The following WDTC1 variants were observed in gnomAD, a reference collection of about 807,000 sequenced individuals.
WDTC1 encodes the protein WD and tetratricopeptide repeats 1, also known as WD and tetratricopeptide repeats protein 1.
Under a neutral mutation model 76.0 loss-of-function variants are expected in WDTC1, and 12 were observed. That is an observed-to-expected ratio of 0.16 (90% CI 0.10 to 0.26). WDTC1 has a LOEUF of 0.26. Ranked by LOEUF, WDTC1 falls within the 10% of genes least tolerant of loss-of-function variation. WDTC1 has a pLI of 1.00. For missense variants in WDTC1, 511 were observed against 908.8 expected (o/e 0.56, Z 5.63); for synonymous variants, 326 against 350.8 (o/e 0.93, Z 0.79).
chr1:27,281,478 T>C (rs2013190079), intron 3 of WDTC1, among the ~76,000 whole-genome samples: 1 of 151,952 alleles, frequency 6.6e-6, no homozygotes, highest in Non-Finnish European at 1.5e-5. Context: ...GAATAAAAGA[T>C]TAGCCTTCTA....
chr1:27,298,739 G>A (rs2013755099), intron 12 of WDTC1, among the ~76,000 whole-genome samples: 1 of 152,152 alleles, frequency 6.6e-6, no homozygotes, highest in Admixed American at 6.5e-5. Context: ...CAGCAGGCAA[G>A]CAGACATGCA....
chr1:27,286,892 C>T (rs923159129), intron 5 of WDTC1, among the ~76,000 whole-genome samples: 4 of 152,080 alleles, frequency 2.6e-5, no homozygotes, highest in Admixed American at 1.3e-4. Context: ...ACAGGGCATT[C>T]TGGCTCATGC....
At chr1:27,242,133 C>T (rs1182446976) in intron 1 of WDTC1, among the ~76,000 whole-genome samples, 1 of 151,972 alleles carries the variant, frequency 6.6e-6, no homozygotes. Context: ...CTCCAGTGAT[C>T]CTCCTGCCTT....
Position 27,303,930 on chromosome 1 carries a change from C to T in WDTC1, c.1643+135C>T, listed in dbSNP as rs1181935565. 3 of 1,166,918 alleles carry T rather than the reference C, an allele frequency of 2.6e-6. No individual in the cohort carries two copies. The highest frequency in any genetic ancestry group is 3.6e-6 in the Non-Finnish European group (3 of 829,760). The allele number at this position is 1,166,918 out of a possible 1,614,324, so 72.3% of individuals were successfully genotyped here. A position where few individuals can be genotyped will look rare whatever the true frequency, so the allele number is the denominator to read the frequency against. On this transcript the variant is annotated intron_variant, in intron 14 of 15. Coordinates refer to ENST00000319394, the MANE Select transcript of WDTC1 (RefSeq NM_001276252.2). The surrounding 1 kb of genome is among the most constrained non-coding windows in gnomAD (Gnocchi z 4.8). ...CTGTACCCTTGGGCAAATGGCTTCACCTTTGTCAGCCTCTAAAGTTTTTTA... is the reference window on the plus strand; with the variant it reads ...CTGTACCCTTGGGCAAATGGCTTCATCTTTGTCAGCCTCTAAAGTTTTTTA...
intron 14 of WDTC1, chr1:27,304,703 CAG>C (rs1385088067): frequency 1.2e-5 from 3 of 255,760 alleles, no homozygotes; most frequent in East Asian, 8.2e-5. Context: ...AGGCTTAAAA[CAG>C]GGTATTTTGG....
At chr1:27,235,534 C>T (rs944201461) in intron 1 of WDTC1, among the ~76,000 whole-genome samples, 2 of 151,618 alleles carry the variant, frequency 1.3e-5, no homozygotes, top group Non-Finnish European at 2.9e-5. Flanking sequence ...CAAAGGGCCT[C>T]TGCTTGGGAA....
Position 27,303,711 on chromosome 1 carries a change from G to A in WDTC1, c.1559G>A (p.Arg520Gln), listed in dbSNP as rs753329041. 5.6e-6 allele frequency: 9 copies of A among 1,613,912 alleles called. No individual in the cohort carries two copies. The highest frequency in any genetic ancestry group is 6.8e-6 in the Non-Finnish European group (8 of 1,179,954). The change falls in exon 14 of 16, where the codon CGG (arginine) becomes CAG (glutamine). Residue 520 changes from arginine (R) to glutamine (Q), a missense_variant. Transcript: ENST00000319394. The surrounding 1 kb of genome is among the most constrained non-coding windows in gnomAD (Gnocchi z 4.8). ...ATCTCAGAGGATGAAATGGTGCTGC[G>A]GGAGCGAAGCTACGACTATCAGTTC... ...DSISEDEMVL[R>Q]ERSYDYQFRY...
intron 3 of WDTC1, among the ~76,000 whole-genome samples, chr1:27,269,910 TTTGTTGTTGTTGTTG>T (rs151248965): frequency 1.6e-4 from 24 of 146,718 alleles, no homozygotes; most frequent in Non-Finnish European, 2.5e-4. Flanking sequence ...ACGCCCGGCC[TTTGTTGTTGTTGTTG>T]TTGTTGTTGT....
intron 2 of WDTC1, among the ~76,000 whole-genome samples, chr1:27,262,196 G>A (rs765423506): frequency 7.5e-4 from 114 of 151,980 alleles, no homozygotes; most frequent in Non-Finnish European, 2.5e-4. Context: ...CCAAAGTGCT[G>A]GGATTACAGG....
chr1:27,269,790 T>G (rs970110095), intron 3 of WDTC1, among the ~76,000 whole-genome samples: 1 of 151,548 alleles, frequency 6.6e-6, no homozygotes, highest in Non-Finnish European at 1.5e-5. Context: ...TTTTCTATTT[T>G]TAGTAGAGAC....
At chr1:27,267,057 C>T (rs1034014579) in intron 3 of WDTC1, among the ~76,000 whole-genome samples, 5 of 152,110 alleles carry the variant, frequency 3.3e-5, no homozygotes, top group African/African-American at 7.2e-5. Context: ...TTCAACCATG[C>T]GATTTCTGTA....
intron 14 of WDTC1, chr1:27,304,430 A>AC (rs1425815176): frequency 6.5e-6 from 1 of 154,474 alleles, no homozygotes; most frequent in African/African-American, 2.4e-5. Flanking sequence ...GACAGCATAG[A>AC]CCCCCATCTC....
intron 1 of WDTC1, among the ~76,000 whole-genome samples, chr1:27,257,433 T>C (rs1336921126): frequency 6.6e-6 from 1 of 152,130 alleles, no homozygotes; most frequent in Non-Finnish European, 1.5e-5. Flanking sequence ...CCAGATATAC[T>C]CACTTCTTTG....
chr1:27,304,041 G>A, intron 14 of WDTC1: 1 of 454,488 alleles, frequency 2.2e-6, no homozygotes, highest in Middle Eastern at 3.3e-4. Context: ...CTCCAGCGCA[G>A]TGCCTGAACT....
chr1:27,267,877 G>A (rs1449534381), intron 3 of WDTC1, among the ~76,000 whole-genome samples: 1 of 152,142 alleles, frequency 6.6e-6, no homozygotes, highest in Non-Finnish European at 1.5e-5. Context: ...CAATAGACAT[G>A]TAGATTATTT....
chr1:27,277,069 GT>G lies in WDTC1; in HGVS notation c.133-5169del, dbSNP rs554279441. Among the ~76,000 whole-genome samples the G allele has an allele frequency of 1.0e-4, 15 of 149,946 alleles. No individual in the cohort carries two copies. The South Asian group carries it at 3.1e-3, about 31-fold the overall frequency. On this transcript the variant is annotated intron_variant, in intron 3 of 15. Transcript: ENST00000319394. Reference sequence around the variant, plus strand: ...TTTAATTGATATGGGATCTGTCTCTGTAACCCTCACTGGAGTGCAGTGGCAC... The same window carrying G: ...TTTAATTGATATGGGATCTGTCTCTGAACCCTCACTGGAGTGCAGTGGCAC...
At chr1:27,279,820 C>A (rs1298839835) in intron 3 of WDTC1, among the ~76,000 whole-genome samples, 1 of 152,210 alleles carries the variant, frequency 6.6e-6, no homozygotes, top group East Asian at 1.9e-4. Context: ...TCCTGCCTAG[C>A]CTCCCAAAGT....
chr1:27,275,257 T>C (rs1477350697), intron 3 of WDTC1, among the ~76,000 whole-genome samples: 3 of 152,206 alleles, frequency 2.0e-5, no homozygotes, highest in East Asian at 3.8e-4. Flanking sequence ...TGAAACTAGA[T>C]TGATTTCCTT....
intron 6 of WDTC1, among the ~76,000 whole-genome samples, chr1:27,289,484 G>A (rs946081774): frequency 6.9e-6 from 1 of 143,964 alleles, no homozygotes; most frequent in Non-Finnish European, 1.5e-5. Context: ...GGGCAGAGAC[G>A]CTCCTCACTT....
Sources: gnomAD v4.1 joint callset for allele counts (sites outside exome capture counted in the v4.1 genomes callset) on GRCh38, gnomAD v4.1.1 for gene constraint, Gnocchi (gnomAD v3.1) non-coding constraint, MANE v1.5 for transcripts, NCBI Gene and HGNC (gene_info 2026-07-23, HGNC 2026-07-21) for gene names.